The following TEAD2 variants were observed in gnomAD, a reference collection of about 807,000 sequenced individuals.
TEAD2 encodes TEA domain transcription factor 2.
TEAD2 carries 51 observed loss-of-function variants against 61.4 expected under a neutral mutation model. The observed-to-expected ratio is 0.83, with a 90% CI of 0.66 to 1.05. The LOEUF (loss-of-function observed/expected upper bound fraction) is 1.05, where lower values mean the gene tolerates loss of function less well. Ranked by LOEUF, TEAD2 falls within the 50% of genes least tolerant of loss-of-function variation. The pLI, the probability that TEAD2 is intolerant of heterozygous loss-of-function variation, is 0.00. For missense variants in TEAD2, 509 were observed against 600.0 expected, an observed-to-expected ratio of 0.85 and a Z score of 1.58; for synonymous variants, 244 against 243.2, an observed-to-expected ratio of 1.00 and a Z score of -0.03.
At chr19:49,342,628 G>T in intron 11 of TEAD2, 38 bp from the exon 12 acceptor site, 1 of 1,598,726 alleles carries the variant, frequency 6.3e-7, no homozygotes, top group South Asian at 1.1e-5. Context: ...AATGGTGGCT[G>T]AGAGACCCAC....
rs144101841 is a variant in TEAD2 at position 49,351,363 on chromosome 19, A to G, written c.542T>C (p.Val181Ala). ...GAACGGTGTCTGTGAGAATGGCTTCACACTGAGGGAAAAAGGAAGCCAGGG... is the reference window on the plus strand; with the variant it reads ...GAACGGTGTCTGTGAGAATGGCTTCGCACTGAGGGAAAAAGGAAGCCAGGG... ...GSGPPWNVPD[V>A]KPFSQTPFTL... The change falls in exon 8 of 13, where the codon GTG becomes GCG. Residue 181 changes from valine (V) to alanine (A), a missense_variant and splice_region_variant. Val to Ala is a moderately conservative substitution (Grantham distance 64). Transcript: ENST00000593945. 124 of 1,610,290 alleles carry G rather than the reference A, an allele frequency of 7.7e-5. No homozygotes were observed. In the African/African-American group the frequency reaches 1.6e-3, roughly 20 times the overall value.
Position 49,359,184 on chromosome 19 carries a change from G to A in TEAD2, c.297+251C>T. On this transcript the variant is annotated intron_variant, in intron 3 of 12. Transcript: ENST00000593945. The surrounding 1 kb of genome is among the most constrained non-coding windows in gnomAD (Gnocchi z 4.1). ...ACCCGGGAGGCAGAGGTTGCAGTGA[G>A]CCAAGATCGCGCCACTGCACTCCGG... The A allele has an allele frequency of 2.3e-6, 1 of 434,368 alleles. No homozygotes were observed. Among genetic ancestry groups the A allele is most frequent in the South Asian group, 2.5e-5 (1 of 39,726 alleles). The allele number at this position is 434,368 out of a possible 1,614,324, so 26.9% of individuals were successfully genotyped here.
At chr19:49,347,480 A>T in intron 9 of TEAD2, 117 bp from the exon 10 acceptor site, 2 of 1,226,148 alleles carry the variant, frequency 1.6e-6, no homozygotes, top group South Asian at 2.8e-5. Context: ...TGTTCCACAC[A>T]GTCCACCCAG....
At chr19:49,349,100 G>A in intron 8 of TEAD2, 1 of 371,854 alleles carries the variant, frequency 2.7e-6, no homozygotes. Flanking sequence ...GAAAGCTTTT[G>A]GCCCTGGCCA....
rs1294179725 is a variant in TEAD2 at position 49,356,389 on chromosome 19, A to C, written c.361-419T>G. On this transcript the variant is annotated intron_variant, in intron 4 of 12. Coordinates refer to ENST00000593945, the MANE Select transcript of TEAD2 (RefSeq NM_001256660.2). ...AAAGCTGCTGGATACAAAAAAAAAA[A>C]AAAAAAAAAAACCAGAAGCGACCGT... 7.2e-5 allele frequency: 11 copies of C among 153,796 alleles called. No individual in the cohort carries two copies. The Admixed American group carries it at 7.2e-4, about 10-fold the overall frequency. 9.5% of individuals were successfully genotyped at this position (153,796 alleles called of 1,614,324 possible).
Position 49,347,121 on chromosome 19 carries a change from A to G in TEAD2, c.921+69T>C, listed in dbSNP as rs74703734. 5.1e-3 allele frequency: 8,068 copies of G among 1,577,346 alleles called. 374 individuals carry two copies. The African/African-American group carries it at 0.094, about 18-fold the overall frequency. The stretch of plus-strand genomic sequence containing the variant: ...GGTAGGGCCCGCGACAGATTCTCTC[A>G]GGGCCAGAGGCCTTTGCTGGGACAC... On this transcript the variant is annotated intron_variant, in intron 10 of 12. Coordinates refer to ENST00000593945, the MANE Select transcript of TEAD2 (RefSeq NM_001256660.2).
chr19:49,361,165 G>A (rs1307112735), intron 1 of TEAD2, among the ~76,000 whole-genome samples: 1 of 97,564 alleles, frequency 1.0e-5, no homozygotes, highest in East Asian at 3.9e-4. Context: ...CGGGGGGGGG[G>A]GACAGGGACC....
At position 49,347,114 on chromosome 19, in the gene TEAD2, T is replaced by G. The variant is rs773114486; in HGVS notation, c.921+76A>C. The G allele has an allele frequency of 1.3e-4, 198 of 1,567,008 alleles. 1 individual carries two copies. In the Middle Eastern group the frequency reaches 1.9e-3, roughly 15 times the overall value. On this transcript the variant is annotated intron_variant, in intron 10 of 12. Transcript: ENST00000593945. ...CTGACCTGGTAGGGCCCGCGACAGA[T>G]TCTCTCAGGGCCAGAGGCCTTTGCT...
chr19:49,348,545 A>G (rs886508774), intron 9 of TEAD2, among the ~76,000 whole-genome samples, 158 bp downstream of exon 9: 8 of 152,226 alleles, frequency 5.3e-5, no homozygotes, highest in African/African-American at 1.9e-4. Context: ...CAAGCCCCAC[A>G]TCACATCTAG....
At chr19:49,354,691 C>T (rs903045207) in intron 7 of TEAD2, among the ~76,000 whole-genome samples, 7 of 151,928 alleles carry the variant, frequency 4.6e-5, no homozygotes, top group Non-Finnish European at 1.0e-4. Flanking sequence ...TCTGTTCTAC[C>T]CTCAGGTCCA....
intron 11 of TEAD2, 59 bp downstream of exon 11, chr19:49,343,172 C>A: frequency 2.6e-6 from 4 of 1,538,648 alleles, no homozygotes; most frequent in Non-Finnish European, 3.5e-6. Flanking sequence ...GTCATGATGG[C>A]TTCTGGTCCA....
In TEAD2 at chr19:49,359,566, C is replaced by A. The variant is rs370191490; in HGVS notation, c.233-67G>T. ...CAGAACTTCCCCACAGCATGGACAC[C>A]AGGGAAGAAGAAAGCAGCATGGGTC... On this transcript the variant is annotated intron_variant, in intron 2 of 12. Transcript: ENST00000593945. The surrounding 1 kb of genome is among the most constrained non-coding windows in gnomAD (Gnocchi z 4.1). 5.7e-4 allele frequency: 889 copies of A among 1,565,324 alleles called. No individual in the cohort carries two copies. Among genetic ancestry groups the A allele is most frequent in the Non-Finnish European group, 7.3e-4 (831 of 1,136,516 alleles).
At chr19:49,356,618 G>A (rs112950197) in intron 4 of TEAD2, among the ~76,000 whole-genome samples, 34 of 152,136 alleles carry the variant, frequency 2.2e-4, no homozygotes, top group African/African-American at 6.7e-4. Context: ...ACAAACCAGC[G>A]GAGATGAAGA....
At chr19:49,358,001 G>A (rs1284645334) in intron 3 of TEAD2, among the ~76,000 whole-genome samples, 1 of 152,194 alleles carries the variant, frequency 6.6e-6, no homozygotes, top group African/African-American at 2.4e-5. Flanking sequence ...GGGAGGCCGA[G>A]GCGGGTGGAT....
At chr19:49,343,556 A>G (rs1181712645) in intron 10 of TEAD2, among the ~76,000 whole-genome samples, 158 bp from the exon 11 acceptor site, 2 of 152,068 alleles carry the variant, frequency 1.3e-5, no homozygotes, top group Admixed American at 6.6e-5. Flanking sequence ...CCTGACCAAC[A>G]TGGAGAAACC....
intron 1 of TEAD2, 75 bp from the exon 2 acceptor site, chr19:49,360,156 C>T: frequency 8.3e-7 from 1 of 1,205,584 alleles, no homozygotes; most frequent in South Asian, 1.4e-5. Context: ...AGGGCTGGGA[C>T]TCTGGACCAC....
At chr19:49,342,719 A>C in intron 11 of TEAD2, 129 bp from the exon 12 acceptor site, 1 of 1,156,616 alleles carries the variant, frequency 8.6e-7, no homozygotes, top group Non-Finnish European at 1.2e-6. Context: ...TCCTTTCATC[A>C]CCCCACCCAC....
intron 1 of TEAD2, among the ~76,000 whole-genome samples, chr19:49,361,207 G>GACAGAGACCCAGAGAGGGGA (rs1972888555): frequency 1.0e-5 from 1 of 100,116 alleles, no homozygotes; most frequent in African/African-American, 5.8e-5. Flanking sequence ...CAGAGAGGGA[G>GACAGAGACCCAGAGAGGGGA]ACAGAGACCC....
At position 49,341,502 on chromosome 19, in the gene TEAD2, C is replaced by CT; in HGVS notation, c.1243-66dup. On this transcript the variant is annotated intron_variant, in intron 12 of 12. Transcript: ENST00000593945. The surrounding 1 kb of genome is among the most constrained non-coding windows in gnomAD (Gnocchi z 4.2). ...GGAGGGCAGGGACCCCTGTGCCCCC[C>CT]TGCCAAGCTATCATGGAATACCCAG... The CT allele has an allele frequency of 1.0e-5, 14 of 1,335,822 alleles. No homozygotes were observed. The highest frequency in any genetic ancestry group is 1.5e-5 in the Non-Finnish European group (14 of 936,510). 82.7% of individuals were successfully genotyped at this position (1,335,822 alleles called of 1,614,324 possible).
Sources: allele counts gnomAD v4.1 joint callset (sites outside exome capture counted in the v4.1 genomes callset), GRCh38; gene constraint gnomAD v4.1.1; non-coding constraint Gnocchi (gnomAD v3.1); transcripts MANE v1.5; gene names NCBI Gene and HGNC (gene_info 2026-07-23, HGNC 2026-07-21).